Variants in CD8B observed in about 807,000 individuals in gnomAD.
CD8B encodes T-cell surface glycoprotein CD8 beta chain.
In CD8B, 6 loss-of-function variants were observed where a neutral mutation model predicts 24.2. The ratio of observed to expected loss-of-function variants is 0.25; its 90% CI spans 0.14 to 0.49. CD8B has a LOEUF of 0.49. Ranked by LOEUF, CD8B falls within the 20% of genes least tolerant of loss-of-function variation. The probability of loss-of-function intolerance (pLI) is 0.98; values close to 1 mark genes in which losing one functional copy is unlikely to be tolerated. For synonymous variants in CD8B, 84 were observed against 108.3 expected, an observed-to-expected ratio of 0.78 and a Z score of 1.39; for missense variants, 196 against 271.3, an observed-to-expected ratio of 0.72 and a Z score of 1.95.
Position 86,839,464 on chromosome 2 carries a change from G to A in CD8B, c.*2843C>T, listed in dbSNP as rs78544493. 2.0e-5 allele frequency among the ~76,000 whole-genome samples: 3 copies of A among 152,178 alleles called. No homozygotes were observed. Among genetic ancestry groups the A allele is most frequent in the Non-Finnish European group, 4.4e-5 (3 of 68,040 alleles). On this transcript the variant is annotated 3_prime_UTR_variant, in exon 6 of 6. Transcript: ENST00000390655. ...AAGATAGCTGGATGGAGTTTGGGGG[G>A]CATATTTCATCATAATGGCCCTATA... is the stretch of plus-strand genomic sequence containing the variant.
At chr2:86,855,006 AGCT>A (rs371217081) in intron 2 of CD8B, among the ~76,000 whole-genome samples, 14 of 151,968 alleles carry the variant, frequency 9.2e-5, no homozygotes, top group African/African-American at 3.4e-4. Flanking sequence ...CTGTAATCCC[AGCT>A]ACTCAGGAGG....
chr2:86,855,849 G>A (rs548676271), intron 2 of CD8B, among the ~76,000 whole-genome samples: 46 of 152,190 alleles, frequency 3.0e-4, no homozygotes, highest in Non-Finnish European at 5.1e-4. Flanking sequence ...GCTGGGCACC[G>A]CCGCCTGGGT....
At chr2:86,816,932 T>C (rs1276117198) in intron 5 of CD8B, among the ~76,000 whole-genome samples, 1 of 152,142 alleles carries the variant, frequency 6.6e-6, no homozygotes, top group Non-Finnish European at 1.5e-5. Context: ...GTAGAAGATA[T>C]TTGCAGTGCA....
At position 86,839,562 on chromosome 2, in the gene CD8B, C is replaced by A; in HGVS notation, c.*2745G>T. Reference sequence around the variant, plus strand: ...GGGTGCAGACCTTCTCACCGCAGCCCCCACCATTGGCAGCCCAGCCTGCTC... The same window carrying A: ...GGGTGCAGACCTTCTCACCGCAGCCACCACCATTGGCAGCCCAGCCTGCTC... On this transcript the variant is annotated 3_prime_UTR_variant, in exon 6 of 6. Coordinates refer to ENST00000390655, the MANE Select transcript of CD8B (RefSeq NM_004931.5). 6.6e-6 allele frequency among the ~76,000 whole-genome samples: 1 copy of A among 152,236 alleles called. No individual in the cohort carries two copies. Among genetic ancestry groups the A allele is most frequent in the East Asian group, 1.9e-4 (1 of 5,200 alleles).
intron 3 of CD8B, among the ~76,000 whole-genome samples, chr2:86,852,255 C>T (rs1438992603): frequency 5.9e-5 from 9 of 152,206 alleles, no homozygotes; most frequent in Non-Finnish European, 1.3e-4. Flanking sequence ...GTGTGAGCCA[C>T]CACATCTGGC....
At chr2:86,822,366 A>C (rs1468080821) in intron 5 of CD8B, 1 of 1,583,220 alleles carries the variant, frequency 6.3e-7, no homozygotes, top group Non-Finnish European at 8.7e-7. Context: ...CAGTGGATGT[A>C]ATCTTAGTCT....
intron 5 of CD8B, among the ~76,000 whole-genome samples, chr2:86,826,068 G>T (rs749801958): frequency 3.3e-5 from 5 of 152,048 alleles, no homozygotes; most frequent in Non-Finnish European, 5.9e-5. Flanking sequence ...GTTTGCAGGC[G>T]GTTTTTTAGA....
intron 5 of CD8B, among the ~76,000 whole-genome samples, chr2:86,823,284 TA>T (rs1248668643): frequency 6.6e-6 from 1 of 152,156 alleles, no homozygotes; most frequent in Non-Finnish European, 1.5e-5. Flanking sequence ...AATTTTTAAT[TA>T]ATTTTTTTGA....
At chr2:86,819,646 C>T (rs1181995245) in intron 5 of CD8B, among the ~76,000 whole-genome samples, 1 of 152,148 alleles carries the variant, frequency 6.6e-6, no homozygotes, top group Non-Finnish European at 1.5e-5. Flanking sequence ...TGAAAATGTG[C>T]CTGGTCACCC....
chr2:86,852,037 C>T (rs1303047999), intron 3 of CD8B, among the ~76,000 whole-genome samples: 2 of 152,166 alleles, frequency 1.3e-5, no homozygotes, highest in African/African-American at 2.4e-5. Context: ...GGCAGGATCT[C>T]AGCTCACTTC....
intron 2 of CD8B, among the ~76,000 whole-genome samples, chr2:86,856,109 C>G (rs1284818190): frequency 6.6e-6 from 1 of 152,168 alleles, no homozygotes; most frequent in Non-Finnish European, 1.5e-5. Flanking sequence ...GGTTCGGCTC[C>G]GAAGAAGGTC....
At chr2:86,824,563 G>A (rs780161228) in intron 5 of CD8B, among the ~76,000 whole-genome samples, 29 of 152,188 alleles carry the variant, frequency 1.9e-4, no homozygotes, top group Non-Finnish European at 3.8e-4. Context: ...GCACAAACCT[G>A]CAACCCATTC....
chr2:86,852,847 C>T, intron 3 of CD8B, 150 bp downstream of exon 3: 2 of 1,273,834 alleles, frequency 1.6e-6, no homozygotes, highest in Non-Finnish European at 2.2e-6. Flanking sequence ...TGCTGGCACA[C>T]TCAGCATCCT....
Position 86,839,793 on chromosome 2 carries a change from C to T in CD8B, c.*2514G>A, listed in dbSNP as rs184061852. On this transcript the variant is annotated 3_prime_UTR_variant, in exon 6 of 6. Coordinates refer to ENST00000390655, the MANE Select transcript of CD8B (RefSeq NM_004931.5). ...CAAGAGGCCTTGTGGCCTGTTCTTA[C>T]TTCCGCTGTGCACTGGGTGTGAGCC... Among the ~76,000 whole-genome samples, 145 of 152,382 alleles carry T rather than the reference C, an allele frequency of 9.5e-4. No homozygotes were observed. Among genetic ancestry groups the T allele is most frequent in the African/African-American group, 3.2e-3 (134 of 41,592 alleles).
At chr2:86,843,038 C>G (rs1291971266) in intron 5 of CD8B, among the ~76,000 whole-genome samples, 1 of 152,060 alleles carries the variant, frequency 6.6e-6, no homozygotes, top group Non-Finnish European at 1.5e-5. Flanking sequence ...ACAGTTAGTA[C>G]CAGAGAGGGA....
intron 3 of CD8B, among the ~76,000 whole-genome samples, chr2:86,851,231 C>T (rs545117768): frequency 6.6e-6 from 1 of 152,246 alleles, no homozygotes; most frequent in East Asian, 1.9e-4. Flanking sequence ...CAGATTGCTT[C>T]TCGAATTTAG....
At chr2:86,818,942 G>T (rs551899188) in intron 5 of CD8B, among the ~76,000 whole-genome samples, 1 of 152,190 alleles carries the variant, frequency 6.6e-6, no homozygotes, top group African/African-American at 2.4e-5. Flanking sequence ...GTGAGCACAT[G>T]AATGATAAGA....
intron 1 of CD8B, among the ~76,000 whole-genome samples, chr2:86,860,369 A>G (rs1573531976): frequency 6.6e-6 from 1 of 152,190 alleles, no homozygotes; most frequent in South Asian, 2.1e-4. Flanking sequence ...TTGTTTCCCC[A>G]AACACCACAC....
Position 86,841,855 on chromosome 2 carries a change from C to T in CD8B, c.*452G>A, listed in dbSNP as rs537421839. ...TCCCAACCTGCACCTGGCCTCTCTG[C>T]GAGGAAGGTCAGCCCCAGCCTGGGA... On this transcript the variant is annotated 3_prime_UTR_variant, in exon 6 of 6. Coordinates refer to ENST00000390655, the MANE Select transcript of CD8B (RefSeq NM_004931.5). 1.1e-3 allele frequency: 1,058 copies of T among 986,450 alleles called. 1 individual carries two copies. Among genetic ancestry groups the T allele is most frequent in the African/African-American group, 9.1e-3 (521 of 57,358 alleles). 61.1% of individuals were successfully genotyped at this position (986,450 alleles called of 1,614,324 possible). A position where few individuals can be genotyped will look rare whatever the true frequency, so the allele number is the denominator to read the frequency against.
Sources: allele counts gnomAD v4.1 joint callset (sites outside exome capture counted in the v4.1 genomes callset), GRCh38; gene constraint gnomAD v4.1.1; transcripts MANE v1.5; gene names NCBI Gene and HGNC (gene_info 2026-07-23, HGNC 2026-07-21).